Variants in ATP9A observed in about 807,000 individuals in gnomAD.
ATP9A encodes the protein probable phospholipid-transporting ATPase IIA.
A neutral mutation model predicts 144.1 loss-of-function variants in ATP9A; 52 were observed. That is an observed-to-expected ratio of 0.36 (90% CI 0.29 to 0.45). The LOEUF is 0.45. Ranked by LOEUF, ATP9A falls within the 20% of genes least tolerant of loss-of-function variation. The pLI, the probability that ATP9A is intolerant of heterozygous loss-of-function variation, is 1.00. For synonymous variants in ATP9A, 582 were observed against 557.4 expected, an observed-to-expected ratio of 1.04 and a Z score of -0.62; for missense variants, 947 against 1,392.7, an observed-to-expected ratio of 0.68 and a Z score of 5.09.
intron 13 of ATP9A, among the ~76,000 whole-genome samples, chr20:51,662,075 A>G (rs1331857941): frequency 6.6e-6 from 1 of 152,170 alleles, no homozygotes; most frequent in African/African-American, 2.4e-5. Context: ...GCCTCCCATG[A>G]CAAAGAATAA....
intron 1 of ATP9A, among the ~76,000 whole-genome samples, chr20:51,736,837 C>T (rs1466738628): frequency 6.6e-6 from 1 of 151,464 alleles, no homozygotes; most frequent in Non-Finnish European, 1.5e-5. Flanking sequence ...CCAGGCAAGA[C>T]TATAGAGCAG....
At chr20:51,711,980 G>A (rs543005477) in intron 4 of ATP9A, among the ~76,000 whole-genome samples, 33 of 142,356 alleles carry the variant, frequency 2.3e-4, no homozygotes, top group African/African-American at 2.9e-4. Flanking sequence ...CTCAGCCTCC[G>A]GAGTAGCTGG....
chr20:51,689,362 T>C (rs929911711), intron 8 of ATP9A, among the ~76,000 whole-genome samples: 2 of 152,134 alleles, frequency 1.3e-5, no homozygotes, highest in Admixed American at 6.6e-5. Flanking sequence ...AAAGTTGGCC[T>C]GTGATTTAAG....
intron 13 of ATP9A, among the ~76,000 whole-genome samples, chr20:51,660,077 C>G (rs181708268): frequency 1.3e-5 from 2 of 152,054 alleles, no homozygotes; most frequent in African/African-American, 2.4e-5. Context: ...AATCGAGAAC[C>G]CTTTTTTTAA....
At chr20:51,760,773 G>A (rs975306439) in intron 1 of ATP9A, among the ~76,000 whole-genome samples, 13 of 142,206 alleles carry the variant, frequency 9.1e-5, no homozygotes, top group South Asian at 2.2e-4. Flanking sequence ...GCCTGTAATC[G>A]CAACACTTTG....
chr20:51,762,493 C>CAAA (rs1262709304), intron 1 of ATP9A, among the ~76,000 whole-genome samples: 1 of 125,104 alleles, frequency 8.0e-6, no homozygotes, highest in Non-Finnish European at 1.7e-5. Flanking sequence ...GACTCTGTCT[C>CAAA]AAAAAAAAAA....
In ATP9A at chr20:51,627,700, G is replaced by C; in HGVS notation, c.1762-17C>G. The C allele has an allele frequency of 6.2e-7, 1 of 1,610,964 alleles. No homozygotes were observed. Among genetic ancestry groups the C allele is most frequent in the Non-Finnish European group, 8.5e-7 (1 of 1,177,280 alleles). ...GTTGCCACACTGAAAAATAGACCAC[G>C]GTCGAGTGGGAGCGGTGCTGAGAGC... is the stretch of plus-strand genomic sequence containing the variant. On this transcript the variant is annotated splice_polypyrimidine_tract_variant and intron_variant, in intron 16 of 27. Coordinates refer to ENST00000338821, the MANE Select transcript of ATP9A (RefSeq NM_006045.3).
intron 4 of ATP9A, among the ~76,000 whole-genome samples, chr20:51,708,250 C>T (rs1383966449): frequency 6.8e-6 from 1 of 147,894 alleles, no homozygotes; most frequent in Non-Finnish European, 1.5e-5. Flanking sequence ...CTCGGGAGTT[C>T]AAAACCAGCC....
intron 1 of ATP9A, among the ~76,000 whole-genome samples, chr20:51,757,812 G>T (rs899107409): frequency 6.6e-6 from 1 of 152,054 alleles, no homozygotes; most frequent in Non-Finnish European, 1.5e-5. Context: ...AGGCTGCAGC[G>T]GTAGGATTGT....
intron 25 of ATP9A, 31 bp from the exon 26 acceptor site, chr20:51,607,615 G>A (rs753370622): frequency 1.3e-5 from 21 of 1,566,994 alleles, no homozygotes; most frequent in African/African-American, 6.8e-5. Flanking sequence ...GGTTAGAGCC[G>A]GTTTCGCGGG....
chr20:51,597,233 T>C lies in ATP9A; in HGVS notation c.*3978A>G. ...GTAATGCCGCTTTGGCCTGAGAAGATGCTTCGGAGCTCCAGGTGGAGGAGC... is the reference window on the plus strand; with the variant it reads ...GTAATGCCGCTTTGGCCTGAGAAGACGCTTCGGAGCTCCAGGTGGAGGAGC... On this transcript the variant is annotated 3_prime_UTR_variant, in exon 28 of 28. Coordinates refer to ENST00000338821, the MANE Select transcript of ATP9A (RefSeq NM_006045.3). 1 of 152,232 alleles carries C rather than the reference T, an allele frequency of 6.6e-6. No homozygotes were observed. Among genetic ancestry groups the C allele is most frequent in the South Asian group, 2.1e-4 (1 of 4,832 alleles). The allele number at this position is 152,232 out of a possible 1,614,324, so 9.4% of individuals were successfully genotyped here.
At chr20:51,767,353 C>G (rs1901072471) in intron 1 of ATP9A, among the ~76,000 whole-genome samples, 1 of 152,154 alleles carries the variant, frequency 6.6e-6, no homozygotes, top group African/African-American at 2.4e-5. Flanking sequence ...ATTGGCGGGT[C>G]TAGGCGGGGG....
At chr20:51,641,780 G>A (rs1344915954) in intron 14 of ATP9A, among the ~76,000 whole-genome samples, 3 of 139,776 alleles carry the variant, frequency 2.1e-5, no homozygotes, top group Non-Finnish European at 3.0e-5. Context: ...GCAGTGAGCC[G>A]AGGTCGCGCC....
chr20:51,605,485 G>GCAT (rs760719883), intron 26 of ATP9A, among the ~76,000 whole-genome samples: 10 of 152,186 alleles, frequency 6.6e-5, no homozygotes, highest in Non-Finnish European at 1.5e-4. Flanking sequence ...AGGCATGGTG[G>GCAT]CATGCACCTG....
In ATP9A at chr20:51,597,475, A is replaced by G. The variant is rs2077124054; in HGVS notation, c.*3736T>C. 1 of 152,176 alleles carries G rather than the reference A, an allele frequency of 6.6e-6. No individual in the cohort carries two copies. Among genetic ancestry groups the G allele is most frequent in the Admixed American group, 6.5e-5 (1 of 15,272 alleles). 9.4% of individuals were successfully genotyped at this position (152,176 alleles called of 1,614,324 possible). The stretch of plus-strand genomic sequence containing the variant: ...CTGGGAGTGATAGAATTTTAATGCA[A>G]TGAAAACCAAATAATTCTTCAAAAA... On this transcript the variant is annotated 3_prime_UTR_variant, in exon 28 of 28. Coordinates refer to ENST00000338821, the MANE Select transcript of ATP9A (RefSeq NM_006045.3).
rs141656779 is a variant in ATP9A at position 51,635,800 on chromosome 20, A to AGGAG, written c.1668+3539_1668+3542dup. The stretch of plus-strand genomic sequence containing the variant: ...GAAAAGGAAGGAAACAGAGGAGGGG[A>AGGAG]GGAGGAAGGAAGGAAGGAAGGAAGG... On this transcript the variant is annotated intron_variant, in intron 15 of 27. Coordinates refer to ENST00000338821, the MANE Select transcript of ATP9A (RefSeq NM_006045.3). Among the ~76,000 whole-genome samples the AGGAG allele has an allele frequency of 7.9e-4, 61 of 76,908 alleles. 1 individual carries two copies. The highest frequency in any genetic ancestry group is 6.5e-3 in the South Asian group (16 of 2,460). The allele number at this position is 76,908 out of a possible 152,430, so 50.5% of individuals were successfully genotyped here.
At chr20:51,761,489 C>T (rs1460714550) in intron 1 of ATP9A, among the ~76,000 whole-genome samples, 2 of 152,120 alleles carry the variant, frequency 1.3e-5, no homozygotes, top group Non-Finnish European at 2.9e-5. Flanking sequence ...TGGCCGGGCG[C>T]CGTGGCTCAC....
chr20:51,625,643 G>A lies in ATP9A; in HGVS notation c.1846-281C>T, dbSNP rs2077245445. The stretch of plus-strand genomic sequence containing the variant: ...CCTCTCTGAGCCGTGGCCACGAAAT[G>A]GCAATAACAGCACCAACCTCATTGG... On this transcript the variant is annotated intron_variant, in intron 17 of 27. Transcript: ENST00000338821. 2.6e-5 allele frequency among the ~76,000 whole-genome samples: 4 copies of A among 152,196 alleles called. No homozygotes were observed. In the South Asian group the frequency reaches 8.3e-4, roughly 31 times the overall value.
chr20:51,698,093 T>A (rs1211036798), intron 4 of ATP9A, among the ~76,000 whole-genome samples: 2 of 152,216 alleles, frequency 1.3e-5, no homozygotes, highest in Non-Finnish European at 2.9e-5. Context: ...CATCTCCAGC[T>A]TTCAGACGAG....
Sources: allele counts gnomAD v4.1 joint callset (sites outside exome capture counted in the v4.1 genomes callset), GRCh38; gene constraint gnomAD v4.1.1; transcripts MANE v1.5; gene names NCBI Gene and HGNC (gene_info 2026-07-23, HGNC 2026-07-21).